NTNG1: variants seen among roughly 807,000 people sequenced by gnomAD.
NTNG1 encodes the protein netrin G1, also known as netrin-G1.
Under a neutral mutation model 54.0 loss-of-function variants are expected in NTNG1, and 16 were observed. The observed-to-expected ratio is 0.30, with a 90% confidence interval of 0.20 to 0.45. The LOEUF (loss-of-function observed/expected upper bound fraction) is 0.45, where lower values mean the gene tolerates loss of function less well. Ranked by LOEUF, NTNG1 falls within the 20% of genes least tolerant of loss-of-function variation. NTNG1 has a pLI of 1.00. For missense variants in NTNG1, 530 were observed against 678.7 expected (o/e 0.78, Z 2.43); for synonymous variants, 255 against 263.1 (o/e 0.97, Z 0.30).
chr1:107,163,744 G>A (rs1188529201), intron 2 of NTNG1, among the ~76,000 whole-genome samples: 1 of 152,170 alleles, frequency 6.6e-6, no homozygotes, highest in African/African-American at 2.4e-5. Flanking sequence ...CTTTAGAAAT[G>A]TCTACGAACG....
intron 2 of NTNG1, among the ~76,000 whole-genome samples, chr1:107,177,331 A>G (rs1297134273): frequency 2.0e-5 from 3 of 151,738 alleles, no homozygotes; most frequent in Non-Finnish European, 4.4e-5. Context: ...ATGTCTAAGA[A>G]GCAACTTTTT....
chr1:107,457,010 T>TA (rs1349716897), intron 7 of NTNG1, among the ~76,000 whole-genome samples: 1 of 152,234 alleles, frequency 6.6e-6, no homozygotes, highest in Non-Finnish European at 1.5e-5. Flanking sequence ...AGAAATGGCT[T>TA]CCTTTTTATT....
intron 3 of NTNG1, among the ~76,000 whole-genome samples, chr1:107,335,259 C>T (rs991062838): frequency 6.6e-6 from 1 of 152,122 alleles, no homozygotes; most frequent in East Asian, 1.9e-4. Flanking sequence ...TATCACTATA[C>T]ATCCACGTCC....
At chr1:107,194,966 A>T (rs1658213005) in intron 2 of NTNG1, among the ~76,000 whole-genome samples, 1 of 152,034 alleles carries the variant, frequency 6.6e-6, no homozygotes, top group Non-Finnish European at 1.5e-5. Flanking sequence ...TAGCTGCCTT[A>T]CAGACTTTGA....
At chr1:107,427,284 G>C (rs1398711912) in intron 5 of NTNG1, among the ~76,000 whole-genome samples, 1 of 152,052 alleles carries the variant, frequency 6.6e-6, no homozygotes, top group Non-Finnish European at 1.5e-5. Context: ...GGAAGGCCAA[G>C]GGAGTATATA....
At chr1:107,421,261 G>A in intron 5 of NTNG1, 1 of 683,468 alleles carries the variant, frequency 1.5e-6, no homozygotes, top group Middle Eastern at 2.5e-4. Flanking sequence ...GAGGCATGTT[G>A]ACTAATATCA....
At chr1:107,371,703 A>T (rs1296452921) in intron 3 of NTNG1, among the ~76,000 whole-genome samples, 1 of 152,048 alleles carries the variant, frequency 6.6e-6, no homozygotes, top group Non-Finnish European at 1.5e-5. Context: ...CCAATGCTAC[A>T]CAAACTCAGC....
At chr1:107,302,808 A>G (rs974749879) in intron 2 of NTNG1, among the ~76,000 whole-genome samples, 1 of 152,208 alleles carries the variant, frequency 6.6e-6, no homozygotes, top group African/African-American at 2.4e-5. Context: ...GATGACTTAC[A>G]GACATATCCC....
At position 107,324,693 on chromosome 1, in the gene NTNG1, A is replaced by C; in HGVS notation, c.658A>C (p.Ile220Leu). 1 of 1,613,630 alleles carries C rather than the reference A, an allele frequency of 6.2e-7. No individual in the cohort carries two copies. The highest frequency in any genetic ancestry group is 1.1e-5 in the South Asian group (1 of 91,072). The stretch of plus-strand genomic sequence containing the variant: ...AACAGGGTATACAACAAATAGCAAA[A>C]TAATCCACTTTGAAATCAAAGACAG... ...YSTGYTTNSK[I>L]IHFEIKDRFA... The change falls in exon 3 of 8, where the codon ATA becomes CTA. Residue 220 changes from isoleucine (I) to leucine (L), a missense_variant. By Grantham distance (5) the Ile-to-Leu change is conservative. Transcript: ENST00000370068.
At chr1:107,457,979 T>C (rs1180322560) in intron 7 of NTNG1, among the ~76,000 whole-genome samples, 1 of 152,142 alleles carries the variant, frequency 6.6e-6, no homozygotes, top group Non-Finnish European at 1.5e-5. Context: ...TTTTTAGCCA[T>C]CATGTTAGAG....
At chr1:107,428,967 C>G (rs1010056981) in intron 5 of NTNG1, among the ~76,000 whole-genome samples, 1 of 152,040 alleles carries the variant, frequency 6.6e-6, no homozygotes, top group Non-Finnish European at 1.5e-5. Flanking sequence ...CTTACACTGT[C>G]TCCTACATTG....
chr1:107,455,765 A>G (rs570395596), intron 7 of NTNG1: 161 of 328,872 alleles, frequency 4.9e-4, no homozygotes, highest in Non-Finnish European at 7.9e-4. Flanking sequence ...TCAGTGCTAC[A>G]TGGTCAGGCT....
At chr1:107,141,514 C>G (rs1358802491) in intron 1 of NTNG1, 1 of 151,832 alleles carries the variant, frequency 6.6e-6, no homozygotes, top group African/African-American at 2.4e-5. Flanking sequence ...CGCCCGTGCC[C>G]CTCTCCCCCG....
At chr1:107,248,339 T>G (rs1662337039) in intron 2 of NTNG1, among the ~76,000 whole-genome samples, 1 of 152,194 alleles carries the variant, frequency 6.6e-6, no homozygotes, top group African/African-American at 2.4e-5. Context: ...ACAATGCTAT[T>G]GGGTTCACCT....
In NTNG1 at chr1:107,266,115, C is replaced by T. The variant is rs560445418; in HGVS notation, c.247-58167C>T. On this transcript the variant is annotated intron_variant, in intron 2 of 7. Transcript: ENST00000370068. ...TTTCCTGGAATGTGAAATCCTATGT[C>T]TCATTCATCTGTTTTCTCCTATCAA... is the stretch of plus-strand genomic sequence containing the variant. 8.5e-4 allele frequency among the ~76,000 whole-genome samples: 130 copies of T among 152,212 alleles called. 1 individual carries two copies. The highest frequency in any genetic ancestry group is 2.9e-3 in the African/African-American group (122 of 41,516).
chr1:107,189,311 A>G (rs1447147243), intron 2 of NTNG1, among the ~76,000 whole-genome samples: 1 of 148,458 alleles, frequency 6.7e-6, no homozygotes, highest in Non-Finnish European at 1.5e-5. Context: ...AGATCAGGCC[A>G]CTGCACTAAA....
intron 2 of NTNG1, among the ~76,000 whole-genome samples, chr1:107,303,918 C>T (rs1256281059): frequency 6.6e-6 from 1 of 152,046 alleles, no homozygotes; most frequent in Non-Finnish European, 1.5e-5. Context: ...ATCTCCTGAC[C>T]TCATAATCCG....
At chr1:107,353,310 T>G (rs1212464258) in intron 3 of NTNG1, among the ~76,000 whole-genome samples, 1 of 152,200 alleles carries the variant, frequency 6.6e-6, no homozygotes, top group Non-Finnish European at 1.5e-5. Flanking sequence ...AAATTTTGAA[T>G]GCTTTGCTGC....
intron 2 of NTNG1, among the ~76,000 whole-genome samples, chr1:107,206,187 A>G (rs76956325): frequency 1.3e-5 from 2 of 152,116 alleles, no homozygotes; most frequent in East Asian, 3.9e-4. Context: ...CTGAAAAAAA[A>G]GTAATTTTCT....
Sources: gnomAD v4.1 joint callset for allele counts (sites outside exome capture counted in the v4.1 genomes callset) on GRCh38, gnomAD v4.1.1 for gene constraint, MANE v1.5 for transcripts, NCBI Gene and HGNC (gene_info 2026-07-23, HGNC 2026-07-21) for gene names.